TMEM69: variants seen among roughly 807,000 people sequenced by gnomAD.
TMEM69 encodes the protein transmembrane protein 69.
TMEM69 carries 17 observed loss-of-function variants against 15.8 expected under a neutral mutation model. The observed-to-expected ratio is 1.07, with a 90% CI of 0.73 to 1.61. The LOEUF (loss-of-function observed/expected upper bound fraction) is 1.61, where lower values mean the gene tolerates loss of function less well. TMEM69 is among the 40% of genes most tolerant of loss of function. The probability of loss-of-function intolerance (pLI) is 0.00; values close to 1 mark genes in which losing one functional copy is unlikely to be tolerated. For missense variants in TMEM69, 230 were observed against 286.1 expected (o/e 0.80, Z 1.41); for synonymous variants, 80 against 98.6 (o/e 0.81, Z 1.12).
chr1:45,688,756 G>A (rs1394867096), intron 1 of TMEM69, among the ~76,000 whole-genome samples: 1 of 152,066 alleles, frequency 6.6e-6, no homozygotes, highest in Non-Finnish European at 1.5e-5. Flanking sequence ...AGGTGGGTGG[G>A]TGTGGGTGTG....
In TMEM69 at chr1:45,693,805, G is replaced by A. The variant is rs1557732668; in HGVS notation, c.644G>A (p.Arg215Lys). Residue 215 changes from arginine to lysine, a missense_variant, in exon 3 of 3, where the codon AGG (arginine) becomes AAG (lysine). Physicochemically the swap from Arg to Lys is conservative, Grantham distance 26 (BLOSUM62 2). Transcript: ENST00000372025. ...TATCCCAACTGGTTTAAAGCCCTGA[G>A]GATAGTAGTCACTTTATTGGCCACT... ...PHYPNWFKAL[R>K]IVVTLLATFS... The A allele has an allele frequency of 1.2e-6, 2 of 1,614,096 alleles. No individual in the cohort carries two copies. The highest frequency in any genetic ancestry group is 1.1e-5 in the South Asian group (1 of 91,068).
chr1:45,693,766 T>C lies in TMEM69; in HGVS notation c.605T>C (p.Phe202Ser). Residue 202 changes from phenylalanine to serine, a missense_variant, in exon 3 of 3, where the codon TTT becomes TCT. Transcript: ENST00000372025. ...GMGVAFHLEL[F>S]LLPHYPNWFK... ...GGAGTAGCATTCCACCTTGAACTTT[T>C]TCTCTTACCACATTATCCCAACTGG... The C allele has an allele frequency of 6.2e-7, 1 of 1,614,254 alleles. No individual in the cohort carries two copies. Among genetic ancestry groups the C allele is most frequent in the Non-Finnish European group, 8.5e-7 (1 of 1,180,038 alleles).
rs182542658 is a variant in TMEM69, at chr1:45,693,289, C to T, written c.128C>T (p.Ser43Phe). Residue 43 changes from serine to phenylalanine, a missense_variant, in exon 3 of 3, where the codon TCC becomes TTC. Coordinates refer to ENST00000372025, the MANE Select transcript of TMEM69 (RefSeq NM_016486.4). ...AAGATGTCTCTCCAGCAAAACTTTT[C>T]CCCATGTCCAAGGCCTTGGCTTTCC... ...SLKMSLQQNFSPCPRPWLSSS... is the reference protein window; with the variant it reads ...SLKMSLQQNFFPCPRPWLSSS... The T allele has an allele frequency of 9.3e-6, 15 of 1,614,178 alleles. No homozygotes were observed. In the South Asian group the frequency reaches 1.5e-4, roughly 17 times the overall value.
chr1:45,689,523 T>C (rs1645329834), intron 1 of TMEM69, among the ~76,000 whole-genome samples: 1 of 152,016 alleles, frequency 6.6e-6, no homozygotes, highest in Non-Finnish European at 1.5e-5. Flanking sequence ...CTGAGCAATA[T>C]GGCAAAACCC....
rs756376678 is a variant in TMEM69 at position 45,693,223 on chromosome 1, C to T, written c.62C>T (p.Pro21Leu). The T allele has an allele frequency of 6.2e-7, 1 of 1,610,364 alleles. No individual in the cohort carries two copies. Among genetic ancestry groups the T allele is most frequent in the Admixed American group, 1.7e-5 (1 of 59,590 alleles). ...TTGTAGATACTGAAGTACTCTTTCC[C>T]AGTGGGACTAAGAACCAGCAGAACA... ...ASSKILKYSF[P>L]VGLRTSRTDI... The change falls in exon 3 of 3, where the codon CCA becomes CTA. Residue 21 changes from proline to leucine, a missense_variant. By Grantham distance (98) the Pro-to-Leu change is moderately conservative. Transcript: ENST00000372025.
chr1:45,693,215 C>G lies in TMEM69; in HGVS notation c.54C>G (p.Tyr18Ter). Residue 18 changes from tyrosine to a stop codon, truncating the protein, a stop_gained, in exon 3 of 3, where the codon TAC (tyrosine) becomes TAG (stop). Transcript: ENST00000372025. LOFTEE classifies it high-confidence loss of function. ...FSQASSKILK[Y>*]SFPVGLRTSR... ...TATTTTCTTTGTAGATACTGAAGTA[C>G]TCTTTCCCAGTGGGACTAAGAACCA... 4 of 1,606,774 alleles carry G rather than the reference C, an allele frequency of 2.5e-6. No homozygotes were observed. The highest frequency in any genetic ancestry group is 3.4e-6 in the Non-Finnish European group (4 of 1,176,162).
At chr1:45,690,416 T>G (rs3013596) in intron 1 of TMEM69, among the ~76,000 whole-genome samples, 1 of 151,820 alleles carries the variant, frequency 6.6e-6, no homozygotes, top group South Asian at 2.1e-4. Flanking sequence ...GCACAAGAAT[T>G]GCTTGAACCC....
At chr1:45,690,930 G>C in intron 1 of TMEM69, 44 bp from the exon 2 acceptor site, 1 of 805,546 alleles carries the variant, frequency 1.2e-6, no homozygotes, top group South Asian at 1.6e-5. Context: ...AAAAATTAAT[G>C]TATAAAATGA....
chr1:45,692,225 G>A (rs181695791), intron 2 of TMEM69, among the ~76,000 whole-genome samples: 49 of 152,310 alleles, frequency 3.2e-4, no homozygotes, highest in African/African-American at 1.1e-3. Flanking sequence ...GCAATAGGTA[G>A]TGTCAAGACG....
intron 2 of TMEM69, 87 bp from the exon 3 acceptor site, chr1:45,693,117 C>A: frequency 1.1e-6 from 1 of 944,216 alleles, no homozygotes; most frequent in East Asian, 2.5e-5. Context: ...TCAAACAATC[C>A]CCATTATTTC....
In TMEM69 at chr1:45,694,408, A is replaced by G. The variant is rs1290721108; in HGVS notation, c.*503A>G. 4 of 1,277,400 alleles carry G rather than the reference A, an allele frequency of 3.1e-6. No homozygotes were observed. The East Asian group carries it at 7.6e-5, about 24-fold the overall frequency. 79.1% of individuals were successfully genotyped at this position (1,277,400 alleles called of 1,614,324 possible). A position where few individuals can be genotyped will look rare whatever the true frequency, so the allele number is the denominator to read the frequency against. On this transcript the variant is annotated 3_prime_UTR_variant, in exon 3 of 3. Coordinates refer to ENST00000372025, the MANE Select transcript of TMEM69 (RefSeq NM_016486.4). ...ACTTAAACATTTCAATATTTTAACCATCTTGAAAATTAAAGATTAAAAATC... is the reference window on the plus strand; with the variant it reads ...ACTTAAACATTTCAATATTTTAACCGTCTTGAAAATTAAAGATTAAAAATC...
intron 2 of TMEM69, among the ~76,000 whole-genome samples, chr1:45,691,878 T>TAAAAAAAATAATTACAGGATTA (rs373495691): frequency 1.3e-5 from 2 of 150,722 alleles, no homozygotes; most frequent in South Asian, 2.1e-4. Context: ...CCAGGCACGG[T>TAAAAAAAATAATTACAGGATTA]CACTCACTCC....
rs1645356444 is a variant in TMEM69, at chr1:45,693,231, C to T, written c.70C>T (p.Leu24=). The T allele has an allele frequency of 6.2e-7, 1 of 1,612,486 alleles. No individual in the cohort carries two copies. The highest frequency in any genetic ancestry group is 8.5e-7 in the Non-Finnish European group (1 of 1,179,112). Residue 24 remains leucine, a synonymous_variant, in exon 3 of 3, where the codon CTA becomes TTA. Transcript: ENST00000372025. ...KILKYSFPVG[L]RTSRTDILSL... ...ACTGAAGTACTCTTTCCCAGTGGGACTAAGAACCAGCAGAACAGATATACT... is the reference window on the plus strand; with the variant it reads ...ACTGAAGTACTCTTTCCCAGTGGGATTAAGAACCAGCAGAACAGATATACT...
intron 1 of TMEM69, among the ~76,000 whole-genome samples, chr1:45,689,384 G>A (rs902889054): frequency 6.6e-6 from 1 of 152,050 alleles, no homozygotes; most frequent in Admixed American, 6.6e-5. Context: ...TGTCAGGGAC[G>A]GTTCTCAGCT....
At chr1:45,693,128 A>T in intron 2 of TMEM69, 76 bp from the exon 3 acceptor site, 1 of 1,081,870 alleles carries the variant, frequency 9.2e-7, no homozygotes, top group East Asian at 2.4e-5. Flanking sequence ...CCATTATTTC[A>T]TACTGGGATT....
chr1:45,692,351 A>G (rs1226353553), intron 2 of TMEM69, among the ~76,000 whole-genome samples: 1 of 152,132 alleles, frequency 6.6e-6, no homozygotes, highest in Non-Finnish European at 1.5e-5. Flanking sequence ...TGTTTGAGTA[A>G]TCACTGAGAT....
chr1:45,693,792 T>C lies in TMEM69; in HGVS notation c.631T>C (p.Phe211Leu). 3 of 1,614,210 alleles carry C rather than the reference T, an allele frequency of 1.9e-6. No homozygotes were observed. Among genetic ancestry groups the C allele is most frequent in the Non-Finnish European group, 2.5e-6 (3 of 1,180,036 alleles). Reference protein sequence around the residue: ...LFLLPHYPNWFKALRIVVTLL... With the variant: ...LFLLPHYPNWLKALRIVVTLL... ...TCTCTTACCACATTATCCCAACTGG[T>C]TTAAAGCCCTGAGGATAGTAGTCAC... Residue 211 changes from phenylalanine to leucine, a missense_variant, in exon 3 of 3, where the codon TTT (phenylalanine) becomes CTT (leucine). By Grantham distance (22) the Phe-to-Leu change is conservative. Transcript: ENST00000372025.
intron 1 of TMEM69, among the ~76,000 whole-genome samples, chr1:45,690,341 A>G (rs949986433): frequency 2.0e-4 from 30 of 152,150 alleles, no homozygotes; most frequent in African/African-American, 6.0e-4. Context: ...ATCTCTCCTG[A>G]AAATACAAAA....
In TMEM69 at chr1:45,693,435, G is replaced by T. The variant is rs769278638; in HGVS notation, c.274G>T (p.Asp92Tyr). ...CTCAAGCACCATCACTTACCTAACT[G>T]ACAGCCCAAAGCCAGCATTATGTGT... ...RPSSTITYLT[D>Y]SPKPALCVTL... The change falls in exon 3 of 3, where the codon GAC becomes TAC. Residue 92 changes from aspartate to tyrosine, a missense_variant. By Grantham distance (160) the Asp-to-Tyr change is radical. Transcript: ENST00000372025. 1 of 1,614,134 alleles carries T rather than the reference G, an allele frequency of 6.2e-7. No homozygotes were observed. The highest frequency in any genetic ancestry group is 8.5e-7 in the Non-Finnish European group (1 of 1,180,040).
Sources: gnomAD v4.1 joint callset for allele counts (sites outside exome capture counted in the v4.1 genomes callset) on GRCh38, gnomAD v4.1.1 for gene constraint, MANE v1.5 for transcripts, NCBI Gene and HGNC (gene_info 2026-07-23, HGNC 2026-07-21) for gene names.